Variants in MEP1A observed in about 807,000 individuals in gnomAD.
The protein encoded by MEP1A is meprin A subunit alpha, also known as N-benzoyl-L-tyrosyl-P-amino-benzoic acid hydrolase subunit alpha.
In MEP1A, 68 loss-of-function variants were observed where a neutral mutation model predicts 84.5. The ratio of observed to expected loss-of-function variants is 0.80; its 90% CI spans 0.66 to 0.98. The LOEUF (loss-of-function observed/expected upper bound fraction) is 0.98, where lower values mean the gene tolerates loss of function less well. Among genes scored for constraint, MEP1A ranks in the 50% least tolerant of loss-of-function variants. MEP1A has a pLI of 0.00. For synonymous variants in MEP1A, 337 were observed against 336.8 expected, an observed-to-expected ratio of 1.00 and a Z score of -0.01; for missense variants, 887 against 919.9, an observed-to-expected ratio of 0.96 and a Z score of 0.46.
At chr6:46,801,429 G>T (rs893261453) in intron 5 of MEP1A, among the ~76,000 whole-genome samples, 2 of 151,988 alleles carry the variant, frequency 1.3e-5, no homozygotes, top group South Asian at 4.1e-4. Context: ...TTTTACGAGG[G>T]TCTGTCCAAC....
At chr6:46,831,905 C>T (rs919025308) in intron 10 of MEP1A, among the ~76,000 whole-genome samples, 8 of 152,244 alleles carry the variant, frequency 5.3e-5, no homozygotes, top group Non-Finnish European at 8.8e-5. Context: ...TTCTCTACCT[C>T]TCTCCTGTGT....
chr6:46,805,637 C>G (rs1767295274), intron 5 of MEP1A, among the ~76,000 whole-genome samples: 2 of 151,842 alleles, frequency 1.3e-5, no homozygotes. Flanking sequence ...ATCTTTCAAA[C>G]TTTCATATTA....
intron 5 of MEP1A, among the ~76,000 whole-genome samples, chr6:46,806,115 T>C (rs148720205): frequency 2.5e-3 from 387 of 152,172 alleles, no homozygotes; most frequent in African/African-American, 8.6e-3. Flanking sequence ...CTTTATTCCA[T>C]TAAATTATGT....
intron 6 of MEP1A, among the ~76,000 whole-genome samples, chr6:46,819,307 T>C (rs1268663893): frequency 1.3e-5 from 2 of 152,196 alleles, no homozygotes; most frequent in African/African-American, 4.8e-5. Context: ...ACTTTTATAA[T>C]GTATTATATC....
At chr6:46,836,192 G>A (rs1768214452) in intron 13 of MEP1A, among the ~76,000 whole-genome samples, 1 of 152,186 alleles carries the variant, frequency 6.6e-6, no homozygotes, top group Admixed American at 6.5e-5. Context: ...TACCCAGATG[G>A]AAAATGCTGA....
intron 6 of MEP1A, among the ~76,000 whole-genome samples, chr6:46,811,831 A>G (rs1767504759): frequency 6.6e-6 from 1 of 152,046 alleles, no homozygotes. Flanking sequence ...CCACTTGATC[A>G]TGTTGAATTA....
At chr6:46,834,886 T>G in intron 12 of MEP1A, 135 bp downstream of exon 12, 1 of 659,816 alleles carries the variant, frequency 1.5e-6, no homozygotes, top group Non-Finnish European at 2.5e-6. Context: ...CACATTTTAT[T>G]CAATTGGTCA....
chr6:46,828,335 T>C (rs1248949413), intron 9 of MEP1A, among the ~76,000 whole-genome samples: 1 of 151,860 alleles, frequency 6.6e-6, no homozygotes, highest in Non-Finnish European at 1.5e-5. Flanking sequence ...GGGAATATAA[T>C]TTGCCCTGAT....
intron 5 of MEP1A, among the ~76,000 whole-genome samples, chr6:46,803,263 A>C (rs1476394639): frequency 2.0e-5 from 3 of 151,572 alleles, no homozygotes; most frequent in Non-Finnish European, 4.4e-5. Flanking sequence ...CTTATTTTCT[A>C]TTATGCTGCT....
chr6:46,795,045 A>G (rs1238878494), intron 3 of MEP1A, among the ~76,000 whole-genome samples: 8 of 152,152 alleles, frequency 5.3e-5, no homozygotes, highest in African/African-American at 1.9e-4. Context: ...ATAAATTGGG[A>G]AAATCATATA....
chr6:46,805,244 G>A (rs1767287204), intron 5 of MEP1A, among the ~76,000 whole-genome samples: 1 of 151,760 alleles, frequency 6.6e-6, no homozygotes, highest in African/African-American at 2.4e-5. Context: ...CTTTCAATGT[G>A]CTGGTACCAT....
At chr6:46,840,006 G>C (rs1166167614), downstream of MEP1A, among the ~76,000 whole-genome samples, 1 of 151,462 alleles carries the variant, frequency 6.6e-6, no homozygotes, top group Non-Finnish European at 1.5e-5. Flanking sequence ...ACTCTAGCTG[G>C]GGCAAGGAAG....
downstream of MEP1A, among the ~76,000 whole-genome samples, chr6:46,843,774 A>G (rs564591876): frequency 2.0e-5 from 3 of 152,314 alleles, no homozygotes; most frequent in East Asian, 5.8e-4. Flanking sequence ...TTTCTCATGA[A>G]TTATATCATC....
rs777663555 is a variant in MEP1A, at chr6:46,793,558, T to A, written c.76T>A (p.Tyr26Asn). Residue 26 changes from tyrosine to asparagine, a missense_variant, in exon 2 of 14, where the codon TAT becomes AAT. Coordinates refer to ENST00000230588, the MANE Select transcript of MEP1A (RefSeq NM_005588.3). ...FAHIAAVPIK[Y>N]LPEENVHDAD... ...GTATATTTATTTTTTTCAGATTAAG[T>A]ATCTTCCTGAAGAAAATGGTAAGAA... 33 of 1,551,818 alleles carry A rather than the reference T, an allele frequency of 2.1e-5. No individual in the cohort carries two copies. The highest frequency in any genetic ancestry group is 2.8e-5 in the Non-Finnish European group (32 of 1,136,206).
downstream of MEP1A, among the ~76,000 whole-genome samples, chr6:46,842,340 G>T (rs553565701): frequency 3.3e-5 from 5 of 152,294 alleles, no homozygotes; most frequent in South Asian, 8.3e-4. Flanking sequence ...TGCAGAGAGC[G>T]TATAAATGGA....
At chr6:46,824,705 A>G (rs1767867088) in intron 7 of MEP1A, among the ~76,000 whole-genome samples, 1 of 128,730 alleles carries the variant, frequency 7.8e-6, no homozygotes, top group Non-Finnish European at 1.5e-5. Flanking sequence ...TTATGTATTT[A>G]AATAGATGTA....
At chr6:46,809,812 GTA>G (rs926379569) in intron 6 of MEP1A, among the ~76,000 whole-genome samples, 8 of 147,600 alleles carry the variant, frequency 5.4e-5, no homozygotes, top group Admixed American at 1.4e-4. Context: ...GTGTGTGTGT[GTA>G]TATATATATA....
intron 7 of MEP1A, among the ~76,000 whole-genome samples, chr6:46,820,442 G>A (rs1229365102): frequency 6.6e-6 from 1 of 152,192 alleles, no homozygotes; most frequent in East Asian, 1.9e-4. Context: ...CCAGGCTGGA[G>A]TGCAATGGTG....
chr6:46,813,211 C>T (rs1432499988), intron 6 of MEP1A, among the ~76,000 whole-genome samples: 1 of 151,386 alleles, frequency 6.6e-6, no homozygotes, highest in Non-Finnish European at 1.5e-5. Flanking sequence ...TATGTGAGTC[C>T]TTATGTGTTA....
Sources: gnomAD v4.1 joint callset for allele counts (sites outside exome capture counted in the v4.1 genomes callset) on GRCh38, gnomAD v4.1.1 for gene constraint, MANE v1.5 for transcripts, NCBI Gene and HGNC (gene_info 2026-07-23, HGNC 2026-07-21) for gene names.